Variants in PDE4B observed in about 807,000 individuals in gnomAD.
PDE4B encodes 3',5'-cyclic-AMP phosphodiesterase 4B.
A neutral mutation model predicts 82.2 loss-of-function variants in PDE4B; 20 were observed. That is an observed-to-expected ratio of 0.24 (90% CI 0.17 to 0.35). PDE4B has a LOEUF of 0.35. Ranked by LOEUF, PDE4B falls within the 10% of genes least tolerant of loss-of-function variation. The pLI, the probability that PDE4B is intolerant of heterozygous loss-of-function variation, is 1.00. For missense variants in PDE4B, 655 were observed against 907.2 expected (o/e 0.72, Z 3.57); for synonymous variants, 320 against 318.9 (o/e 1.00, Z -0.04).
At chr1:66,054,228 T>G (rs1161327560) in intron 3 of PDE4B, among the ~76,000 whole-genome samples, 2 of 152,152 alleles carry the variant, frequency 1.3e-5, no homozygotes, top group Non-Finnish European at 2.9e-5. Context: ...TATGTTTGGA[T>G]AGGTAATCAT....
chr1:66,177,967 A>C (rs1646969602), intron 3 of PDE4B, among the ~76,000 whole-genome samples: 1 of 151,984 alleles, frequency 6.6e-6, no homozygotes, highest in African/African-American at 2.4e-5. Flanking sequence ...CAAGTGTTAG[A>C]ATTGGAATTA....
chr1:66,291,100 G>T (rs1417186424), intron 7 of PDE4B, among the ~76,000 whole-genome samples: 4 of 152,156 alleles, frequency 2.6e-5, no homozygotes, highest in Non-Finnish European at 5.9e-5. Context: ...GAAAGCTTTA[G>T]GTTGACAACA....
At chr1:65,982,006 A>G (rs145962292) in intron 3 of PDE4B, among the ~76,000 whole-genome samples, 18 of 152,348 alleles carry the variant, frequency 1.2e-4, no homozygotes, top group African/African-American at 4.1e-4. Context: ...GTACTAAGGT[A>G]GTGCTGTAAA....
chr1:66,371,883 T>G (rs146042428), intron 16 of PDE4B, among the ~76,000 whole-genome samples: 1 of 152,220 alleles, frequency 6.6e-6, no homozygotes, highest in Non-Finnish European at 1.5e-5. Flanking sequence ...GGCAAAGTCA[T>G]TCTTTGTCTT....
At chr1:65,854,084 T>C (rs896782378) in intron 1 of PDE4B, among the ~76,000 whole-genome samples, 1 of 107,934 alleles carries the variant, frequency 9.3e-6, no homozygotes, top group South Asian at 3.4e-4. Flanking sequence ...ATGCTTATCA[T>C]GTTTACCTTC....
chr1:66,367,758 G>A lies in PDE4B; in HGVS notation c.1447G>A (p.Gly483Ser). 6.2e-7 allele frequency: 1 copy of A among 1,613,612 alleles called. No individual in the cohort carries two copies. The highest frequency in any genetic ancestry group is 8.5e-7 in the Non-Finnish European group (1 of 1,179,732). The part of the protein sequence containing the change: ...SVLENHHLAV[G>S]FKLLQEEHCD... ...GTTGGAAAATCATCACCTTGCTGTG[G>A]GTTTCAAACTGCTGCAAGAAGAACA... The change falls in exon 14 of 17, where the codon GGT becomes AGT. Residue 483 changes from glycine to serine, a missense_variant. Physicochemically the swap from Gly to Ser is moderately conservative, Grantham distance 56 (BLOSUM62 0). Around this residue, in one of 3 missense-constraint regions of PDE4B, gnomAD observed 283 missense variants for 516.4 expected, o/e 0.55. Coordinates refer to ENST00000341517, the MANE Select transcript of PDE4B (RefSeq NM_002600.4).
chr1:65,941,794 T>G (rs1343185775), intron 3 of PDE4B, among the ~76,000 whole-genome samples: 1 of 152,078 alleles, frequency 6.6e-6, no homozygotes, highest in East Asian at 1.9e-4. Flanking sequence ...TGCAAAAATA[T>G]AGTATGTTGG....
At chr1:66,119,491 A>C (rs1490120709) in intron 3 of PDE4B, among the ~76,000 whole-genome samples, 3 of 43,502 alleles carry the variant, frequency 6.9e-5, no homozygotes, top group Non-Finnish European at 1.3e-4. Flanking sequence ...TTCACTTCCC[A>C]GGAGAAATAA....
At chr1:66,068,034 G>A (rs1343364265) in intron 3 of PDE4B, among the ~76,000 whole-genome samples, 9 of 151,354 alleles carry the variant, frequency 5.9e-5, no homozygotes, top group African/African-American at 1.9e-4. Context: ...CATGGCACAT[G>A]TATACATATG....
At chr1:66,355,491 TA>T (rs750880967) in intron 8 of PDE4B, 35 bp from the exon 9 acceptor site, 47 of 1,348,334 alleles carry the variant, frequency 3.5e-5, no homozygotes, top group Non-Finnish European at 5.0e-5. Context: ...TTGCTCTTTT[TA>T]AAGTGGTTAA....
At chr1:66,179,830 G>C (rs959476632) in intron 3 of PDE4B, among the ~76,000 whole-genome samples, 1 of 152,152 alleles carries the variant, frequency 6.6e-6, no homozygotes, top group Non-Finnish European at 1.5e-5. Flanking sequence ...GTCTAAGTGT[G>C]ATTCTAGAAC....
At chr1:66,065,287 C>G (rs149614810) in intron 3 of PDE4B, among the ~76,000 whole-genome samples, 1 of 151,574 alleles carries the variant, frequency 6.6e-6, no homozygotes, top group Non-Finnish European at 1.5e-5. Context: ...TGGTTATTAC[C>G]GTATGTCATT....
rs1317517698 is a variant in PDE4B, at chr1:66,075,904, CAAAACAAAACAAAACAAAACAAAA to C, written c.281+157081_281+157104del. Among the ~76,000 whole-genome samples the C allele has an allele frequency of 7.4e-4, 32 of 42,988 alleles. No individual in the cohort carries two copies. In the East Asian group the frequency reaches 0.014, roughly 18 times the overall value. The allele number at this position is 42,988 out of a possible 152,430, so 28.2% of individuals were successfully genotyped here. A position where few individuals can be genotyped will look rare whatever the true frequency, so the allele number is the denominator to read the frequency against. On this transcript the variant is annotated intron_variant, in intron 3 of 16. Coordinates refer to ENST00000341517, the MANE Select transcript of PDE4B (RefSeq NM_002600.4). ...TCATTCACATTTAAACAAAACAAAA[CAAAACAAAACAAAACAAAACAAAA>C]AAAACAAAACACCATGGGCCAAGCA...
chr1:66,019,759 C>T (rs12727285), intron 3 of PDE4B, among the ~76,000 whole-genome samples: 1 of 152,098 alleles, frequency 6.6e-6, no homozygotes. Flanking sequence ...ATTTTAATAT[C>T]ATCTAACAAT....
chr1:66,252,891 A>T (rs1653899361), intron 4 of PDE4B, among the ~76,000 whole-genome samples: 1 of 152,224 alleles, frequency 6.6e-6, no homozygotes, highest in African/African-American at 2.4e-5. Context: ...ATAAGCTAAG[A>T]TTGTGCCACT....
chr1:66,090,667 ATGTGTATG>A (rs1306631661), intron 3 of PDE4B, among the ~76,000 whole-genome samples: 3 of 16,268 alleles, frequency 1.8e-4, no homozygotes, highest in Non-Finnish European at 3.2e-4. Context: ...GTATGTATAT[ATGTGTATG>A]TGTATATGTA....
chr1:66,007,530 C>A (rs1652218673), intron 3 of PDE4B, among the ~76,000 whole-genome samples: 2 of 152,072 alleles, frequency 1.3e-5, no homozygotes, highest in South Asian at 2.1e-4. Context: ...TGGAAATGAT[C>A]TAATTATGAA....
chr1:66,316,521 C>T (rs1659038849), intron 7 of PDE4B, among the ~76,000 whole-genome samples: 1 of 152,156 alleles, frequency 6.6e-6, no homozygotes, highest in South Asian at 2.1e-4. Context: ...GCCAAAATAT[C>T]AGAAGTGACA....
At chr1:65,897,403 A>G (rs758973344) in intron 1 of PDE4B, among the ~76,000 whole-genome samples, 1 of 152,078 alleles carries the variant, frequency 6.6e-6, no homozygotes, top group Non-Finnish European at 1.5e-5. Flanking sequence ...TTTTAGATTT[A>G]GGGGTACATG....
Sources: gnomAD v4.1 joint callset for allele counts (sites outside exome capture counted in the v4.1 genomes callset) on GRCh38, gnomAD v4.1.1 for gene constraint, gnomAD v4.1.1 regional missense constraint, MANE v1.5 for transcripts, NCBI Gene and HGNC (gene_info 2026-07-23, HGNC 2026-07-21) for gene names.